DST: variants seen among roughly 807,000 people sequenced by gnomAD.
The protein encoded by DST is dystonin, also known as bullous pemphigoid antigen.
Under a neutral mutation model 875.2 loss-of-function variants are expected in DST, and 253 were observed. That is an observed-to-expected ratio of 0.29 (90% CI 0.26 to 0.32). The LOEUF (loss-of-function observed/expected upper bound fraction) is 0.32. Among genes scored for constraint, DST ranks in the 10% least tolerant of loss-of-function variants. The pLI is 1.00. For missense variants in DST, 8,287 were observed against 9,111.6 expected (o/e 0.91, Z 3.68); for synonymous variants, 3,124 against 3,197.1 (o/e 0.98, Z 0.77).
intron 46 of DST, among the ~76,000 whole-genome samples, chr6:56,598,253 G>T (rs2098410724): frequency 6.6e-6 from 1 of 152,118 alleles, no homozygotes; most frequent in Non-Finnish European, 1.5e-5. Flanking sequence ...CATTTCACAA[G>T]AAGAAAGTTT....
intron 3 of DST, among the ~76,000 whole-genome samples, chr6:56,855,757 C>T (rs1412521688): frequency 6.6e-6 from 1 of 152,230 alleles, no homozygotes; most frequent in Non-Finnish European, 1.5e-5. Context: ...AGGAACCACA[C>T]CTGGACAGGA....
chr6:56,735,553 T>TCACCACCACCACCAC (rs1481488913), intron 4 of DST, among the ~76,000 whole-genome samples: 3 of 114,942 alleles, frequency 2.6e-5, no homozygotes, highest in African/African-American at 1.3e-4. Context: ...CCATAACCCC[T>TCACCACCACCACCAC]CATCACCACC....
chr6:56,634,335 G>A (rs2098807982), intron 26 of DST, 77 bp from the exon 27 acceptor site: 2 of 1,609,220 alleles, frequency 1.2e-6, no homozygotes, highest in Non-Finnish European at 1.7e-6. Context: ...CTTTTTGTGT[G>A]AAATATTCCA....
chr6:56,902,349 T>C (rs1181545762), intron 2 of DST, among the ~76,000 whole-genome samples: 1 of 152,180 alleles, frequency 6.6e-6, no homozygotes, highest in Non-Finnish European at 1.5e-5. Flanking sequence ...GAGTAAGAAT[T>C]TCAGAGAGAT....
At chr6:56,946,852 T>A (rs1819758897) in intron 2 of DST, among the ~76,000 whole-genome samples, 1 of 152,238 alleles carries the variant, frequency 6.6e-6, no homozygotes, top group Admixed American at 6.5e-5. Context: ...AGTTGAAAAG[T>A]TGCTACATAC....
At chr6:56,573,644 A>C in intron 51 of DST, 35 bp downstream of exon 51, 1 of 1,540,682 alleles carries the variant, frequency 6.5e-7, no homozygotes, top group South Asian at 1.1e-5. Flanking sequence ...TTTTTTAAAA[A>C]ACTGAAAATG....
rs1386335550 is a variant in DST at position 56,609,358 on chromosome 6, G to A, written c.5284-14C>T. On this transcript the variant is annotated splice_polypyrimidine_tract_variant and intron_variant, in intron 39 of 103. Transcript: ENST00000680361. ...CACTTTATCCAGCTGAAAGGAAAATGCAAAAATCTCAGGTCACTCTGTTAC... is the reference window on the plus strand; with the variant it reads ...CACTTTATCCAGCTGAAAGGAAAATACAAAAATCTCAGGTCACTCTGTTAC... The A allele has an allele frequency of 5.1e-6, 8 of 1,567,558 alleles. No homozygotes were observed. In the Admixed American group the frequency reaches 9.4e-5, roughly 18 times the overall value.
At position 56,609,018 on chromosome 6, in the gene DST, G is replaced by A. The variant is rs373836234; in HGVS notation, c.5610C>T (p.Ile1870=). 2.0e-4 allele frequency: 326 copies of A among 1,613,750 alleles called. No homozygotes were observed. Among genetic ancestry groups the A allele is most frequent in the South Asian group, 4.1e-4 (37 of 91,082 alleles). ...AQSMITESMA[I]KVLEILLSTG... The stretch of plus-strand genomic sequence containing the variant: ...TAGAAAGCAGTATCTCAAGAACTTT[G>A]ATGGCCATGGATTCTGTTATCATGC... Residue 1870 remains isoleucine, a synonymous_variant, in exon 40 of 104, where the codon ATC becomes ATT. Coordinates refer to ENST00000680361, the MANE Select transcript of DST (RefSeq NM_001374736.1).
At chr6:56,835,419 C>T (rs768934593) in intron 4 of DST, among the ~76,000 whole-genome samples, 1 of 151,970 alleles carries the variant, frequency 6.6e-6, no homozygotes, top group African/African-American at 2.4e-5. Flanking sequence ...ACACCAGTAC[C>T]GATATAAATA....
At chr6:56,587,541 G>A (rs373200728) in intron 49 of DST, among the ~76,000 whole-genome samples, 3 of 152,098 alleles carry the variant, frequency 2.0e-5, no homozygotes, top group African/African-American at 7.2e-5. Flanking sequence ...CCAACATTCA[G>A]ATTCAGGAAA....
At chr6:56,553,725 T>A (rs1424186692) in intron 60 of DST, 70 bp from the exon 61 acceptor site, 5 of 1,395,314 alleles carry the variant, frequency 3.6e-6, no homozygotes, top group Non-Finnish European at 4.9e-6. Context: ...AAAGCCAAAA[T>A]AAAAATCTCT....
chr6:56,633,267 C>T lies in DST; in HGVS notation c.3622-230G>A, dbSNP rs567419177. ...TTTGAGACGGAGTCTCGCTCTGTCG[C>T]CCAGGCTGGAGTGCAGTGGCGGGAT... On this transcript the variant is annotated intron_variant, in intron 27 of 103. Coordinates refer to ENST00000680361, the MANE Select transcript of DST (RefSeq NM_001374736.1). Among the ~76,000 whole-genome samples, 9 of 146,096 alleles carry T rather than the reference C, an allele frequency of 6.2e-5. No homozygotes were observed. In the East Asian group the frequency reaches 1.6e-3, roughly 25 times the overall value.
chr6:56,865,263 G>C (rs753324125), intron 3 of DST, among the ~76,000 whole-genome samples: 3 of 91,572 alleles, frequency 3.3e-5, no homozygotes, highest in South Asian at 3.2e-4. Context: ...CTAGTTTTCT[G>C]TGTGTGTGTG....
chr6:56,568,605 T>C lies in DST; in HGVS notation c.13879-10A>G. On this transcript the variant is annotated splice_polypyrimidine_tract_variant and intron_variant, in intron 54 of 103. Coordinates refer to ENST00000680361, the MANE Select transcript of DST (RefSeq NM_001374736.1). ...ACTTTTCTTGTAATTTCTTGAGATATAAAAACACATTATTTTTCCATCTTA... is the reference window on the plus strand; with the variant it reads ...ACTTTTCTTGTAATTTCTTGAGATACAAAAACACATTATTTTTCCATCTTA... The C allele has an allele frequency of 1.3e-6, 2 of 1,579,186 alleles. No homozygotes were observed. Among genetic ancestry groups the C allele is most frequent in the Non-Finnish European group, 1.7e-6 (2 of 1,160,756 alleles).
At chr6:56,856,332 G>C (rs1227147628) in intron 3 of DST, among the ~76,000 whole-genome samples, 1 of 152,190 alleles carries the variant, frequency 6.6e-6, no homozygotes, top group African/African-American at 2.4e-5. Context: ...ATTCTCTACA[G>C]GCAACGGAGA....
At chr6:56,546,320 C>A in intron 61 of DST, among the ~76,000 whole-genome samples, 4 of 119,266 alleles carry the variant, frequency 3.4e-5, no homozygotes, top group African/African-American at 3.1e-5. Context: ...ATATATAAAT[C>A]TTATTAATTG....
chr6:56,923,463 CAAAAA>C (rs57118743), intron 2 of DST, among the ~76,000 whole-genome samples: 1 of 48,714 alleles, frequency 2.1e-5, no homozygotes, highest in African/African-American at 7.2e-5. Context: ...GGCTCACTGG[CAAAAA>C]AAAAAAAAAA....
intron 3 of DST, among the ~76,000 whole-genome samples, chr6:56,896,583 T>C (rs1463978326): frequency 6.6e-6 from 1 of 152,228 alleles, no homozygotes; most frequent in Admixed American, 6.5e-5. Flanking sequence ...ACCAGCAGTG[T>C]AGAAGTGTTC....
rs961708479 is a variant in DST at position 56,703,658 on chromosome 6, T to C, written c.866A>G (p.Glu289Gly). The C allele has an allele frequency of 2.6e-5, 26 of 984,418 alleles. No individual in the cohort carries two copies. The highest frequency in any genetic ancestry group is 6.2e-5 in the Admixed American group (1 of 16,260). The allele number at this position is 984,418 out of a possible 1,614,324, so 61.0% of individuals were successfully genotyped here. A position where few individuals can be genotyped will look rare whatever the true frequency, so the allele number is the denominator to read the frequency against. The change falls in exon 7 of 104, where the codon GAG becomes GGG. Residue 289 changes from glutamate to glycine, a missense_variant. Physicochemically the swap from Glu to Gly is moderately conservative, Grantham distance 98. Around this residue, in one of 10 missense-constraint regions of DST, gnomAD observed 1,160 missense variants for 1,424.3 expected, o/e 0.81. Coordinates refer to ENST00000680361, the MANE Select transcript of DST (RefSeq NM_001374736.1). ...EYEQHEDVED[E>G]DKGPREKGRM... ...GGGGGCGACACCTACCCCCTTATCC[T>C]CATCCTCCACATCCTCATGCTGTTC...
Sources: allele counts gnomAD v4.1 joint callset (sites outside exome capture counted in the v4.1 genomes callset), GRCh38; gene constraint gnomAD v4.1.1; regional missense constraint gnomAD v4.1.1; transcripts MANE v1.5; gene names NCBI Gene and HGNC (gene_info 2026-07-23, HGNC 2026-07-21).